Variants in PCDH11X observed in about 807,000 individuals in gnomAD.
The protein encoded by PCDH11X is protocadherin 11 X-linked.
Under a neutral mutation model 53.3 loss-of-function variants are expected in PCDH11X, and 18 were observed. The ratio of observed to expected loss-of-function variants is 0.34; its 90% confidence interval spans 0.23 to 0.50. The LOEUF (loss-of-function observed/expected upper bound fraction) is 0.50, where lower values mean the gene tolerates loss of function less well. Ranked by LOEUF, PCDH11X falls within the 20% of genes least tolerant of loss-of-function variation. The pLI is 0.98. For missense variants in PCDH11X, 570 were observed against 1,032.4 expected (o/e 0.55, Z 6.14); for synonymous variants, 279 against 393.3 (o/e 0.71, Z 3.44).
intron 8 of PCDH11X, among the ~76,000 whole-genome samples, chrX:92,279,200 G>A (rs2068189902): frequency 8.9e-6 from 1 of 111,783 alleles, no homozygotes; most frequent in South Asian, 3.7e-4. Context: ...ATTCCTTTTA[G>A]CCTGGTATAT....
chrX:92,307,259 T>C (rs992177910), intron 8 of PCDH11X, among the ~76,000 whole-genome samples: 2 of 109,406 alleles, frequency 1.8e-5, no homozygotes, highest in African/African-American at 6.6e-5. Context: ...AGGGATTATA[T>C]ACCATGACCC....
chrX:91,967,148 G>A (rs1403898790), intron 6 of PCDH11X, among the ~76,000 whole-genome samples: 8 of 110,255 alleles, frequency 7.3e-5, no homozygotes, highest in Non-Finnish European at 1.3e-4. Context: ...AAGGAGAGAC[G>A]TTGGAAGGGA....
chrX:92,496,802 C>G lies in PCDH11X; in HGVS notation c.3367+28480C>G, dbSNP rs753465089. Among the ~76,000 whole-genome samples, 3 of 108,564 alleles carry G rather than the reference C, an allele frequency of 2.8e-5. 1 individual carries two copies. Among genetic ancestry groups the G allele is most frequent in the African/African-American group, 1.1e-4 (3 of 28,323 alleles). 94.3% of individuals were successfully genotyped at this position (108,564 alleles called of 115,157 possible). A position where few individuals can be genotyped will look rare whatever the true frequency, so the allele number is the denominator to read the frequency against. ...CTAACTTCTAAGAATGCACTATAAA[C>G]TCTTCTTACATGCCTTTGCAGTACC... is the stretch of plus-strand genomic sequence containing the variant. On this transcript the variant is annotated intron_variant, in intron 10 of 10. Coordinates refer to ENST00000682573, the MANE Select transcript of PCDH11X (RefSeq NM_032968.5).
intron 10 of PCDH11X, among the ~76,000 whole-genome samples, chrX:92,479,889 G>A: frequency 9.0e-6 from 1 of 110,575 alleles, no homozygotes; most frequent in Non-Finnish European, 1.9e-5. Context: ...TTGATTCTTG[G>A]CTTGTATAGC....
intron 6 of PCDH11X, among the ~76,000 whole-genome samples, chrX:92,104,311 A>G (rs1329040053): frequency 6.4e-5 from 7 of 110,040 alleles, no homozygotes; most frequent in African/African-American, 2.0e-4. Flanking sequence ...ATGGGTCTGT[A>G]GAAAAGGAAG....
intron 7 of PCDH11X, among the ~76,000 whole-genome samples, chrX:92,215,358 G>A (rs768445210): frequency 9.3e-5 from 10 of 107,075 alleles, no homozygotes; most frequent in South Asian, 8.5e-4. Flanking sequence ...CTAATACTGC[G>A]CTTTTCCGAT....
At chrX:91,861,365 G>A (rs756673729) in intron 5 of PCDH11X, among the ~76,000 whole-genome samples, 66 of 110,484 alleles carry the variant, frequency 6.0e-4, no homozygotes, top group African/African-American at 1.9e-3. Context: ...AGTGAGATCA[G>A]AGTTCTGTCC....
chrX:92,431,581 TTCTATTATTCTATATCATG>T (rs1189459558), intron 9 of PCDH11X, among the ~76,000 whole-genome samples: 1 of 110,280 alleles, frequency 9.1e-6, no homozygotes, highest in Non-Finnish European at 1.9e-5. Flanking sequence ...ATGGGAGTAT[TTCTATTATTCTATATCATG>T]TCTAAGATAC....
intron 6 of PCDH11X, among the ~76,000 whole-genome samples, chrX:91,894,352 A>C (rs1335655316): frequency 8.9e-6 from 1 of 111,995 alleles, no homozygotes; most frequent in African/African-American, 3.2e-5. Context: ...ATATAGTGAA[A>C]GACTAGATAT....
chrX:91,851,420 C>A (rs192907441), intron 5 of PCDH11X, among the ~76,000 whole-genome samples: 140 of 111,619 alleles, frequency 1.3e-3, no homozygotes, highest in African/African-American at 4.2e-3. Context: ...AGACTAATGT[C>A]TTCTATGGAT....
At chrX:92,287,995 C>T in intron 8 of PCDH11X, 2 of 515,211 alleles carry the variant, frequency 3.9e-6, no homozygotes, top group Non-Finnish European at 7.0e-6. Context: ...TCCCCTTCTG[C>T]CATGACCGTA....
intron 5 of PCDH11X, among the ~76,000 whole-genome samples, chrX:91,872,681 C>T (rs1260907683): frequency 2.9e-5 from 3 of 104,860 alleles, no homozygotes; most frequent in African/African-American, 1.0e-4. Flanking sequence ...GTCAATTCTT[C>T]CAAACTTTTA....
intron 6 of PCDH11X, among the ~76,000 whole-genome samples, chrX:91,968,540 T>C (rs1449477459): frequency 9.0e-6 from 1 of 111,472 alleles, no homozygotes; most frequent in African/African-American, 3.3e-5. Context: ...AGTGATTTAT[T>C]TATTTTTCTT....
chrX:92,334,116 AATT>A (rs1241625847), intron 8 of PCDH11X, among the ~76,000 whole-genome samples: 1 of 111,798 alleles, frequency 8.9e-6, no homozygotes, highest in Non-Finnish European at 1.9e-5. Context: ...CAAAAATTGA[AATT>A]ATTAAGAAAA....
intron 10 of PCDH11X, among the ~76,000 whole-genome samples, chrX:92,535,607 AAAAC>A (rs1201438498): frequency 9.0e-6 from 1 of 111,634 alleles, no homozygotes; most frequent in Non-Finnish European, 1.9e-5. Flanking sequence ...AATAATCTGT[AAAAC>A]AAACCCCTAT....
At chrX:92,054,580 G>A (rs6522481) in intron 6 of PCDH11X, among the ~76,000 whole-genome samples, 14,979 of 110,530 alleles carry the variant, frequency 0.14, 966 homozygotes, top group East Asian at 0.42. Flanking sequence ...CAGCACTTTG[G>A]GAGGCCCAGG....
At chrX:92,199,458 A>G (rs1270185764) in intron 6 of PCDH11X, among the ~76,000 whole-genome samples, 1 of 112,176 alleles carries the variant, frequency 8.9e-6, no homozygotes, top group Non-Finnish European at 1.9e-5. Flanking sequence ...CATGTAAGGA[A>G]AGAGAAATAC....
intron 10 of PCDH11X, among the ~76,000 whole-genome samples, chrX:92,544,266 A>G (rs771313158): frequency 5.4e-5 from 6 of 112,141 alleles, no homozygotes; most frequent in South Asian, 7.4e-4. Context: ...TACCATTTTA[A>G]GAAGCTAGCT....
chrX:92,317,965 G>A (rs2069116826), intron 8 of PCDH11X, among the ~76,000 whole-genome samples: 1 of 111,195 alleles, frequency 9.0e-6, no homozygotes, highest in Non-Finnish European at 1.9e-5. Flanking sequence ...GATAGTAGAA[G>A]TAGTAACAAT....
Sources: allele counts gnomAD v4.1 joint callset (sites outside exome capture counted in the v4.1 genomes callset), GRCh38; gene constraint gnomAD v4.1.1; transcripts MANE v1.5; gene names NCBI Gene and HGNC (gene_info 2026-07-23, HGNC 2026-07-21).